The following CTNND2 variants were observed in gnomAD, a reference collection of about 807,000 sequenced individuals.
The protein encoded by CTNND2 is catenin delta-2.
In CTNND2, 22 loss-of-function variants were observed where a neutral mutation model predicts 144.4. That is an observed-to-expected ratio of 0.15 (90% confidence interval 0.11 to 0.22). CTNND2 has a LOEUF of 0.22. Among genes scored for constraint, CTNND2 ranks in the 10% least tolerant of loss-of-function variants. CTNND2 has a pLI of 1.00. For missense variants in CTNND2, 1,353 were observed against 1,618.8 expected, an observed-to-expected ratio of 0.84 and a Z score of 2.82; for synonymous variants, 751 against 695.6, an observed-to-expected ratio of 1.08 and a Z score of -1.25.
intron 16 of CTNND2, among the ~76,000 whole-genome samples, chr5:11,074,135 G>A (rs920683481): frequency 6.6e-6 from 1 of 152,212 alleles, no homozygotes; most frequent in Non-Finnish European, 1.5e-5. Flanking sequence ...AAGAGCACAA[G>A]TAAAGAAGGT....
In CTNND2 at chr5:11,827,939, C is replaced by G. The variant is rs1281162081; in HGVS notation, c.37+75878G>C. 6.6e-5 allele frequency among the ~76,000 whole-genome samples: 10 copies of G among 152,182 alleles called. No individual in the cohort carries two copies. The East Asian group carries it at 1.9e-3, about 29-fold the overall frequency. On this transcript the variant is annotated intron_variant, in intron 1 of 21. Coordinates refer to ENST00000304623, the MANE Select transcript of CTNND2 (RefSeq NM_001332.4). The stretch of plus-strand genomic sequence containing the variant: ...ATTTTATGAGGCTCTTTACTCATAC[C>G]AAAATCTAGATATATAGTCATTGCC...
chr5:11,311,315 C>T (rs1244005053), intron 9 of CTNND2, among the ~76,000 whole-genome samples: 2 of 144,580 alleles, frequency 1.4e-5, no homozygotes, highest in Admixed American at 1.4e-4. Flanking sequence ...TACCCACTCA[C>T]CCTCACCCCA....
chr5:11,744,714 C>CGTGT (rs560000345), intron 1 of CTNND2, among the ~76,000 whole-genome samples: 2 of 149,816 alleles, frequency 1.3e-5, no homozygotes, highest in East Asian at 2.0e-4. Flanking sequence ...TGTGTGTGCA[C>CGTGT]GTGTGTGTGT....
chr5:11,790,124 C>T (rs1032024786), intron 1 of CTNND2, among the ~76,000 whole-genome samples: 1 of 152,114 alleles, frequency 6.6e-6, no homozygotes, highest in African/African-American at 2.4e-5. Context: ...TTGAGCTGGA[C>T]CTATCATTTC....
chr5:11,132,315 G>T (rs1561359173), intron 12 of CTNND2, among the ~76,000 whole-genome samples: 1 of 152,142 alleles, frequency 6.6e-6, no homozygotes, highest in African/African-American at 2.4e-5. Context: ...TGCTTTTTAT[G>T]GTCTTTGTTA....
chr5:11,495,631 T>C (rs987949017), intron 3 of CTNND2, among the ~76,000 whole-genome samples: 1 of 152,212 alleles, frequency 6.6e-6, no homozygotes, highest in African/African-American at 2.4e-5. Flanking sequence ...TGGCTTATTC[T>C]GGGCATCTTC....
chr5:11,814,590 A>G (rs72736648), intron 1 of CTNND2, among the ~76,000 whole-genome samples: 1,844 of 152,368 alleles, frequency 0.012, 20 homozygotes, highest in Non-Finnish European at 0.02. Flanking sequence ...CCAGCTGCAA[A>G]GGGAAAGCCA....
intron 6 of CTNND2, among the ~76,000 whole-genome samples, chr5:11,388,967 T>C (rs573080929): frequency 6.6e-6 from 1 of 152,242 alleles, no homozygotes; most frequent in African/African-American, 2.4e-5. Flanking sequence ...ACTGCTTCCC[T>C]GCAGATATTT....
intron 17 of CTNND2, 61 bp downstream of exon 17, chr5:11,022,708 G>T: frequency 1.5e-6 from 2 of 1,297,338 alleles, no homozygotes; most frequent in Non-Finnish European, 1.1e-6. Context: ...ATCAGGAGTT[G>T]AAAGGCACAT....
chr5:11,833,696 G>T (rs899431217), intron 1 of CTNND2, among the ~76,000 whole-genome samples: 2 of 152,024 alleles, frequency 1.3e-5, no homozygotes, highest in African/African-American at 4.8e-5. Context: ...GCTAATTTTT[G>T]TATTTTTAGT....
At chr5:11,774,968 T>A (rs1310013621) in intron 1 of CTNND2, among the ~76,000 whole-genome samples, 1 of 152,132 alleles carries the variant, frequency 6.6e-6, no homozygotes, top group Non-Finnish European at 1.5e-5. Context: ...TCCAATCCCA[T>A]CCTAGTTGTC....
intron 3 of CTNND2, among the ~76,000 whole-genome samples, chr5:11,520,418 G>A (rs1372307923): frequency 6.6e-6 from 1 of 152,158 alleles, no homozygotes; most frequent in Non-Finnish European, 1.5e-5. Context: ...AGATGAACTA[G>A]GTCATGCTGG....
At chr5:11,637,196 C>T (rs566896894) in intron 2 of CTNND2, among the ~76,000 whole-genome samples, 5 of 152,220 alleles carry the variant, frequency 3.3e-5, no homozygotes, top group South Asian at 4.1e-4. Context: ...TATTTCTAAA[C>T]GCCCACTGAG....
At chr5:11,386,559 C>A (rs1235762423) in intron 6 of CTNND2, among the ~76,000 whole-genome samples, 2 of 152,112 alleles carry the variant, frequency 1.3e-5, no homozygotes, top group African/African-American at 2.4e-5. Context: ...TTAGGAGCAG[C>A]CTGGCATAGG....
intron 9 of CTNND2, among the ~76,000 whole-genome samples, chr5:11,240,542 CACACCCA>C (rs1742239673): frequency 2.4e-5 from 2 of 84,014 alleles, no homozygotes; most frequent in African/African-American, 7.4e-5. Context: ...ACCCAACACA[CACACCCA>C]ACACACACAC....
At chr5:11,831,929 A>G (rs985134734) in intron 1 of CTNND2, among the ~76,000 whole-genome samples, 3 of 152,312 alleles carry the variant, frequency 2.0e-5, no homozygotes, top group Admixed American at 1.3e-4. Context: ...CAAAGATTTC[A>G]TATATATGAT....
Position 10,988,138 on chromosome 5 carries a change from G to A in CTNND2, c.3316C>T (p.His1106Tyr). ...GTCATGGCATCTTTCCTGGAAGTGT[G>A]TTCGCCTTTAGCTCCGTGGTAGGTG... ...NATYHGAKGE[H>Y]TSRKDAMTAQ... The change falls in exon 20 of 22, where the codon CAC becomes TAC. Residue 1106 changes from histidine (H) to tyrosine (Y), a missense_variant. Transcript: ENST00000304623. The surrounding 1 kb of genome is among the most constrained non-coding windows in gnomAD (Gnocchi z 5.9). 1 of 1,614,214 alleles carries A rather than the reference G, an allele frequency of 6.2e-7. No individual in the cohort carries two copies. Among genetic ancestry groups the A allele is most frequent in the Non-Finnish European group, 8.5e-7 (1 of 1,180,040 alleles).
chr5:11,354,175 C>A (rs115633752), intron 8 of CTNND2, among the ~76,000 whole-genome samples: 1 of 152,286 alleles, frequency 6.6e-6, no homozygotes, highest in East Asian at 1.9e-4. Flanking sequence ...GGTGATAGAG[C>A]TGGTTTTGCT....
chr5:10,973,445 C>T lies in CTNND2; in HGVS notation c.*8G>A. The T allele has an allele frequency of 1.3e-6, 2 of 1,577,138 alleles. No individual in the cohort carries two copies. The highest frequency in any genetic ancestry group is 1.2e-5 in the South Asian group (1 of 85,050). On this transcript the variant is annotated 3_prime_UTR_variant, in exon 22 of 22. Coordinates refer to ENST00000304623, the MANE Select transcript of CTNND2 (RefSeq NM_001332.4). This position sits in a 1 kb window ranked among gnomAD's most constrained non-coding sequence, Gnocchi z 5.6. ...TGCACTGTTCCCGGAGCGCCTGTGC[C>T]CTGCTCCTCACACCCAGGAGTCGGG... is the stretch of plus-strand genomic sequence containing the variant.
Sources: allele counts gnomAD v4.1 joint callset (sites outside exome capture counted in the v4.1 genomes callset), GRCh38; gene constraint gnomAD v4.1.1; non-coding constraint Gnocchi (gnomAD v3.1); transcripts MANE v1.5; gene names NCBI Gene and HGNC (gene_info 2026-07-23, HGNC 2026-07-21).